Variants in SHISA6 observed in about 807,000 individuals in gnomAD.
SHISA6 encodes the protein protein shisa-6.
A neutral mutation model predicts 47.9 loss-of-function variants in SHISA6; 22 were observed. That is an observed-to-expected ratio of 0.46 (90% CI 0.33 to 0.66). The LOEUF is 0.66. SHISA6 is among the 30% of genes least tolerant of loss of function. The probability of loss-of-function intolerance (pLI) is 0.02; values close to 1 mark genes in which losing one functional copy is unlikely to be tolerated. For missense variants in SHISA6, 680 were observed against 764.6 expected, an observed-to-expected ratio of 0.89 and a Z score of 1.30; for synonymous variants, 388 against 337.8, an observed-to-expected ratio of 1.15 and a Z score of -1.63.
chr17:11,448,312 C>T (rs138063723), intron 3 of SHISA6, among the ~76,000 whole-genome samples: 2,279 of 152,118 alleles, frequency 0.015, 24 homozygotes, highest in Non-Finnish European at 0.021. Context: ...AGGAGAATCT[C>T]CTGTGCCAGG....
In SHISA6 at chr17:11,420,666, T is replaced by C. The variant is rs534058854; in HGVS notation, c.895+41157T>C. On this transcript the variant is annotated intron_variant, in intron 3 of 5. Coordinates refer to ENST00000441885, the MANE Select transcript of SHISA6 (RefSeq NM_207386.4). ...CAGGAAGGGTGAGGTTGGGCACCGC[T>C]GTTCCAATAGCTGGCCCCTTTGTCA... Among the ~76,000 whole-genome samples, 3 of 152,334 alleles carry C rather than the reference T, an allele frequency of 2.0e-5. No homozygotes were observed. In the South Asian group the frequency reaches 6.2e-4, roughly 32 times the overall value.
At chr17:11,332,020 C>T (rs1352640266) in intron 2 of SHISA6, among the ~76,000 whole-genome samples, 3 of 151,836 alleles carry the variant, frequency 2.0e-5, no homozygotes, top group Admixed American at 1.3e-4. Flanking sequence ...CCATCTTACT[C>T]TGTCTCCCTC....
rs563202569 is a variant in SHISA6 at position 11,416,082 on chromosome 17, G to T, written c.895+36573G>T. Among the ~76,000 whole-genome samples the T allele has an allele frequency of 2.4e-3, 359 of 152,114 alleles. 6 individuals carry two copies. The highest frequency in any genetic ancestry group is 5.1e-4 in the Non-Finnish European group (35 of 67,998). On this transcript the variant is annotated intron_variant, in intron 3 of 5. Transcript: ENST00000441885. ...CTTATAAGACCACTAATTCCATTTGGGGGGTGGGCTCTACCTTCATGACTT... is the reference window on the plus strand; with the variant it reads ...CTTATAAGACCACTAATTCCATTTGTGGGGTGGGCTCTACCTTCATGACTT...
intron 2 of SHISA6, among the ~76,000 whole-genome samples, chr17:11,342,474 C>A (rs977552427): frequency 6.6e-6 from 1 of 151,994 alleles, no homozygotes; most frequent in Non-Finnish European, 1.5e-5. Flanking sequence ...GGAGCCAGAC[C>A]CTGCAAAGGG....
chr17:11,434,885 G>A (rs575912902), intron 3 of SHISA6, among the ~76,000 whole-genome samples: 9 of 152,232 alleles, frequency 5.9e-5, no homozygotes, highest in Non-Finnish European at 1.2e-4. Flanking sequence ...CCTATTTCAC[G>A]GGTTTTAGAG....
chr17:11,427,718 C>T (rs531490905), intron 3 of SHISA6, among the ~76,000 whole-genome samples: 13 of 152,056 alleles, frequency 8.5e-5, no homozygotes, highest in Non-Finnish European at 1.6e-4. Context: ...ACTTGCTTCC[C>T]GCAAAAGGTG....
At chr17:11,441,020 G>T (rs1333691921) in intron 3 of SHISA6, among the ~76,000 whole-genome samples, 1 of 151,650 alleles carries the variant, frequency 6.6e-6, no homozygotes, top group Non-Finnish European at 1.5e-5. Flanking sequence ...AAGGAAGGAA[G>T]AAGAAAAAGA....
chr17:11,552,072 C>A, intron 4 of SHISA6, 120 bp downstream of exon 4: 1 of 1,061,088 alleles, frequency 9.4e-7, no homozygotes, highest in Non-Finnish European at 1.4e-6. Flanking sequence ...CTAAGGAGGT[C>A]CAAGGAGCCA....
chr17:11,404,712 C>T (rs559989691), intron 3 of SHISA6, among the ~76,000 whole-genome samples: 3 of 152,310 alleles, frequency 2.0e-5, no homozygotes, highest in Admixed American at 6.5e-5. Flanking sequence ...CACGTACAGA[C>T]GAGTGCAAGG....
chr17:11,540,590 T>A (rs1331740770), intron 3 of SHISA6, among the ~76,000 whole-genome samples: 2 of 152,210 alleles, frequency 1.3e-5, no homozygotes, highest in Non-Finnish European at 2.9e-5. Flanking sequence ...TTGAATGTAG[T>A]CCTTTTGTTA....
chr17:11,491,776 T>TG (rs1555539491), intron 3 of SHISA6, among the ~76,000 whole-genome samples: 9 of 145,544 alleles, frequency 6.2e-5, no homozygotes, highest in South Asian at 2.2e-4. Context: ...AAGTGTTTTT[T>TG]TTTTTTTTTT....
At chr17:11,322,293 A>G (rs1003156300) in intron 2 of SHISA6, among the ~76,000 whole-genome samples, 1 of 152,054 alleles carries the variant, frequency 6.6e-6, no homozygotes, top group African/African-American at 2.4e-5. Flanking sequence ...GTATTTATCT[A>G]TATATTTACC....
At chr17:11,412,657 T>C (rs911887101) in intron 3 of SHISA6, among the ~76,000 whole-genome samples, 1 of 152,032 alleles carries the variant, frequency 6.6e-6, no homozygotes, top group Non-Finnish European at 1.5e-5. Context: ...TTCTCCTGCC[T>C]CAGCCTCCCA....
chr17:11,269,806 G>C (rs1908572881), intron 2 of SHISA6, among the ~76,000 whole-genome samples: 1 of 152,128 alleles, frequency 6.6e-6, no homozygotes. Flanking sequence ...GCACACAGGG[G>C]TCACTTAAGT....
Position 11,449,773 on chromosome 17 carries a change from G to A in SHISA6, c.895+70264G>A, listed in dbSNP as rs558822865. On this transcript the variant is annotated intron_variant, in intron 3 of 5. Transcript: ENST00000441885. ...GGCTCCAAGGGAAAATCTGCCTAGC[G>A]TCTTTGTCTCAGCTTCTGGTGACAG... Among the ~76,000 whole-genome samples, 8 of 152,316 alleles carry A rather than the reference G, an allele frequency of 5.3e-5. No individual in the cohort carries two copies. The South Asian group carries it at 8.3e-4, about 16-fold the overall frequency.
chr17:11,468,104 T>C (rs1915854439), intron 3 of SHISA6, among the ~76,000 whole-genome samples: 1 of 152,062 alleles, frequency 6.6e-6, no homozygotes, highest in Non-Finnish European at 1.5e-5. Flanking sequence ...TTTGCTCTGT[T>C]TCCCTCTGTT....
At chr17:11,470,283 C>G (rs1252581155) in intron 3 of SHISA6, among the ~76,000 whole-genome samples, 1 of 152,242 alleles carries the variant, frequency 6.6e-6, no homozygotes, top group Non-Finnish European at 1.5e-5. Flanking sequence ...TCTGTTCACA[C>G]AGCTGGACCA....
intron 2 of SHISA6, among the ~76,000 whole-genome samples, chr17:11,277,278 TCTCACACA>T (rs1358073047): frequency 1.7e-4 from 9 of 52,620 alleles, no homozygotes; most frequent in African/African-American, 5.2e-4. Flanking sequence ...TCTCTCTCTC[TCTCACACA>T]CACACACACA....
intron 3 of SHISA6, among the ~76,000 whole-genome samples, chr17:11,418,389 C>G (rs1464043598): frequency 6.6e-6 from 1 of 152,002 alleles, no homozygotes; most frequent in East Asian, 1.9e-4. Flanking sequence ...ACATTTCTTC[C>G]CACTTACCTT....
Sources: gnomAD v4.1 joint callset for allele counts (sites outside exome capture counted in the v4.1 genomes callset) on GRCh38, gnomAD v4.1.1 for gene constraint, MANE v1.5 for transcripts, NCBI Gene and HGNC (gene_info 2026-07-23, HGNC 2026-07-21) for gene names.